Variants in PCTP observed in about 807,000 individuals in gnomAD.
The protein encoded by PCTP is START domain-containing protein 2.
In PCTP, 27 loss-of-function variants were observed where a neutral mutation model predicts 31.0. The observed-to-expected ratio is 0.87, with a 90% CI of 0.64 to 1.20. PCTP has a LOEUF of 1.20. Among genes scored for constraint, PCTP ranks in the 50% most tolerant of loss-of-function variants. PCTP has a pLI of 0.00. For missense variants in PCTP, 287 were observed against 268.2 expected (o/e 1.07, Z -0.49); for synonymous variants, 108 against 101.2 (o/e 1.07, Z -0.40).
chr17:55,819,742 T>TA (rs946647039), intron 3 of PCTP, among the ~76,000 whole-genome samples: 4 of 152,062 alleles, frequency 2.6e-5, no homozygotes, highest in Non-Finnish European at 4.4e-5. Flanking sequence ...AGACCCTGCC[T>TA]AAAAAAATAG....
At chr17:55,833,145 GC>G (rs1204535864) in intron 5 of PCTP, among the ~76,000 whole-genome samples, 1 of 152,112 alleles carries the variant, frequency 6.6e-6, no homozygotes, top group Non-Finnish European at 1.5e-5. Flanking sequence ...CAATATTTGA[GC>G]AACATCATAG....
chr17:55,840,343 C>G (rs1390033151), intron 5 of PCTP, among the ~76,000 whole-genome samples: 2 of 152,202 alleles, frequency 1.3e-5, no homozygotes, highest in African/African-American at 2.4e-5. Context: ...TAAACTGTAT[C>G]TTTGTACACT....
intron 5 of PCTP, among the ~76,000 whole-genome samples, chr17:55,829,403 C>T (rs1247753200): frequency 6.6e-6 from 1 of 151,930 alleles, no homozygotes; most frequent in Non-Finnish European, 1.5e-5. Context: ...CTCTGCCTCC[C>T]CAGTTCAAGC....
intron 3 of PCTP, among the ~76,000 whole-genome samples, chr17:55,789,565 G>A (rs143068438): frequency 1.4e-4 from 22 of 152,248 alleles, no homozygotes; most frequent in Non-Finnish European, 2.9e-4. Flanking sequence ...AAAATCCTGT[G>A]CATCCTTTGA....
intron 5 of PCTP, among the ~76,000 whole-genome samples, chr17:55,829,721 C>CA (rs397699355): frequency 6.6e-6 from 1 of 150,996 alleles, no homozygotes; most frequent in Non-Finnish European, 1.5e-5. Context: ...CACACACACA[C>CA]CCTCTACAAG....
chr17:55,844,818 G>A (rs545542535), downstream of PCTP, among the ~76,000 whole-genome samples: 1 of 151,952 alleles, frequency 6.6e-6, no homozygotes, highest in Admixed American at 6.6e-5. Flanking sequence ...GACCAGGCGC[G>A]GTGGCTCACG....
chr17:55,832,972 T>C (rs910913352), intron 5 of PCTP, among the ~76,000 whole-genome samples: 3 of 152,202 alleles, frequency 2.0e-5, no homozygotes, highest in Non-Finnish European at 4.4e-5. Context: ...GGCAGTTTCC[T>C]CTTGGTTCAA....
chr17:55,847,521 G>T (rs1598028707), downstream of PCTP, among the ~76,000 whole-genome samples: 1 of 152,194 alleles, frequency 6.6e-6, no homozygotes. Context: ...TGCCATGTAA[G>T]ACATGCTTTG....
intron 5 of PCTP, among the ~76,000 whole-genome samples, chr17:55,840,866 A>G (rs1905957570): frequency 6.6e-6 from 1 of 152,232 alleles, no homozygotes; most frequent in Non-Finnish European, 1.5e-5. Flanking sequence ...TAGATTCTGG[A>G]TTTTTGGATT....
rs114727584 is a variant in PCTP at position 55,758,215 on chromosome 17, C to G, written c.141+6971C>G. On this transcript the variant is annotated intron_variant, in intron 1 of 5. Transcript: ENST00000268896. The stretch of plus-strand genomic sequence containing the variant: ...TAAGTTTTTAAATCTAAATATCTGG[C>G]ACTGTGAGAAGGGGCAGCCTAAATT... 6.6e-3 allele frequency among the ~76,000 whole-genome samples: 1,011 copies of G among 152,264 alleles called. 11 individuals carry two copies. Among genetic ancestry groups the G allele is most frequent in the African/African-American group, 0.016 (645 of 41,534 alleles).
chr17:55,804,938 T>G (rs1912528785), intron 3 of PCTP, among the ~76,000 whole-genome samples: 1 of 152,110 alleles, frequency 6.6e-6, no homozygotes, highest in South Asian at 2.1e-4. Context: ...TAATATGGGT[T>G]TTTTTAAAAA....
intron 3 of PCTP, among the ~76,000 whole-genome samples, chr17:55,772,605 G>A (rs1911076123): frequency 6.6e-6 from 1 of 151,674 alleles, no homozygotes; most frequent in Admixed American, 6.6e-5. Flanking sequence ...AAGACACTGA[G>A]GTGGGTGGAG....
At chr17:55,798,635 A>G (rs1388775564) in intron 3 of PCTP, among the ~76,000 whole-genome samples, 2 of 152,024 alleles carry the variant, frequency 1.3e-5, no homozygotes, top group African/African-American at 4.8e-5. Flanking sequence ...ACCCAGAAAA[A>G]TATTCTTCAA....
At chr17:55,844,095 AACGCT>A (rs1467377751), downstream of PCTP, among the ~76,000 whole-genome samples, 1 of 152,180 alleles carries the variant, frequency 6.6e-6, no homozygotes, top group Non-Finnish European at 1.5e-5. Context: ...ACAGTTTTTA[AACGCT>A]ACATCCCCAC....
chr17:55,787,131 T>A (rs929082045), intron 2 of PCTP, among the ~76,000 whole-genome samples: 4 of 151,546 alleles, frequency 2.6e-5, no homozygotes, highest in African/African-American at 9.7e-5. Flanking sequence ...ACATCGATCG[T>A]CTTCATTGTT....
At position 55,767,607 on chromosome 17, in the gene PCTP, G is replaced by A. The variant is rs188841820; in HGVS notation, c.259+155G>A. The stretch of plus-strand genomic sequence containing the variant: ...AGCCTCCTGAGTAGCTGGGACTACA[G>A]GCGCCCGCCACCACACCTGGCTAAT... On this transcript the variant is annotated intron_variant, in intron 2 of 5. Transcript: ENST00000268896. Among the ~76,000 whole-genome samples the A allele has an allele frequency of 4.6e-5, 7 of 152,140 alleles. No individual in the cohort carries two copies. In the East Asian group the frequency reaches 1.4e-3, roughly 30 times the overall value.
chr17:55,850,253 T>A, the PCTP span, among the ~76,000 whole-genome samples: 1 of 152,182 alleles, frequency 6.6e-6, no homozygotes, highest in African/African-American at 2.4e-5. Context: ...CTGTAATATA[T>A]CAGTTTGTTT....
chr17:55,751,179 G>C lies in PCTP; in HGVS notation c.76G>C (p.Ala26Pro). ...ACAELQQPALAGADWQLLVET... is the reference protein window; with the variant it reads ...ACAELQQPALPGADWQLLVET... ...CGCCGAGCTCCAGCAGCCCGCTCTG[G>C]CCGGGGCCGACTGGCAGCTCCTAGT... The change falls in exon 1 of 6, where the codon GCC becomes CCC. Residue 26 changes from alanine to proline, a missense_variant. Physicochemically the swap from Ala to Pro is conservative, Grantham distance 27. Transcript: ENST00000268896. 1 of 1,548,770 alleles carries C rather than the reference G, an allele frequency of 6.5e-7. No homozygotes were observed. Among genetic ancestry groups the C allele is most frequent in the Non-Finnish European group, 8.7e-7 (1 of 1,146,268 alleles).
At chr17:55,822,905 T>C in exon 4 of PCTP, 2 of 955,154 alleles carry the variant, frequency 2.1e-6, no homozygotes, top group Non-Finnish European at 2.7e-6. Context: ...TGAGTCTTTG[T>C]TGAAACACTG....
Sources: gnomAD v4.1 joint callset for allele counts (sites outside exome capture counted in the v4.1 genomes callset) on GRCh38, gnomAD v4.1.1 for gene constraint, MANE v1.5 for transcripts, NCBI Gene and HGNC (gene_info 2026-07-23, HGNC 2026-07-21) for gene names.